Variants in KLF12 observed in about 807,000 individuals in gnomAD.
KLF12 encodes Krueppel-like factor 12.
Under a neutral mutation model 37.8 loss-of-function variants are expected in KLF12, and 9 were observed. That is an observed-to-expected ratio of 0.24 (90% confidence interval 0.14 to 0.42). The LOEUF (loss-of-function observed/expected upper bound fraction) is 0.42, where lower values mean the gene tolerates loss of function less well. Ranked by LOEUF, KLF12 falls within the 10% of genes least tolerant of loss-of-function variation. The pLI is 1.00. For missense variants in KLF12, 411 were observed against 516.0 expected (o/e 0.80, Z 1.97); for synonymous variants, 208 against 202.1 (o/e 1.03, Z -0.25).
chr13:74,063,140 GACTTC>G (rs1401575950), intron 1 of KLF12, among the ~76,000 whole-genome samples: 3 of 152,200 alleles, frequency 2.0e-5, no homozygotes, highest in Admixed American at 2.0e-4. Context: ...CAGGCTTGAT[GACTTC>G]ACTAGTTCTC....
intron 1 of KLF12, among the ~76,000 whole-genome samples, chr13:74,127,188 G>C (rs1877989032): frequency 6.6e-6 from 1 of 152,160 alleles, no homozygotes; most frequent in African/African-American, 2.4e-5. Context: ...GCTTTTAAGA[G>C]AGCCATCAAT....
intron 4 of KLF12, among the ~76,000 whole-genome samples, chr13:73,815,834 T>C (rs1238135187): frequency 6.6e-6 from 1 of 152,232 alleles, no homozygotes; most frequent in East Asian, 1.9e-4. Context: ...ATGAGCAATC[T>C]GGCTCTGAAA....
chr13:74,197,410 A>G, the KLF12 span, among the ~76,000 whole-genome samples: 1 of 152,096 alleles, frequency 6.6e-6, no homozygotes, highest in East Asian at 1.9e-4. Context: ...TTAAAATTTC[A>G]AGAGTGTGTA....
At chr13:74,135,717 C>T (rs1207257834), upstream of KLF12, among the ~76,000 whole-genome samples, 2 of 152,062 alleles carry the variant, frequency 1.3e-5, no homozygotes, top group Non-Finnish European at 2.9e-5. Context: ...CGGCCCGGCC[C>T]GCCCCGCGTG....
chr13:73,883,110 A>T (rs1294970678), intron 3 of KLF12, among the ~76,000 whole-genome samples: 1 of 152,118 alleles, frequency 6.6e-6, no homozygotes, highest in Admixed American at 6.6e-5. Flanking sequence ...AATCAATATT[A>T]TATTGTCCCC....
chr13:74,166,085 A>AG, the KLF12 span, among the ~76,000 whole-genome samples: 1 of 104,702 alleles, frequency 9.6e-6, no homozygotes, highest in South Asian at 3.2e-4. Flanking sequence ...ATGCATAAAC[A>AG]CCTTTTTTTT....
intron 1 of KLF12, among the ~76,000 whole-genome samples, chr13:74,033,683 T>C (rs1020812476): frequency 7.9e-5 from 12 of 152,258 alleles, no homozygotes; most frequent in Non-Finnish European, 1.8e-4. Context: ...TTTATGTAAC[T>C]ATCTCCCTAT....
At chr13:73,988,375 C>T (rs1891881787) in intron 2 of KLF12, among the ~76,000 whole-genome samples, 1 of 152,204 alleles carries the variant, frequency 6.6e-6, no homozygotes, top group Non-Finnish European at 1.5e-5. Context: ...TCACATACAA[C>T]TGTAGAAACT....
intron 4 of KLF12, among the ~76,000 whole-genome samples, chr13:73,835,221 G>A (rs938387042): frequency 1.3e-5 from 2 of 152,032 alleles, no homozygotes; most frequent in East Asian, 3.9e-4. Context: ...CACTAAACTA[G>A]CTGGGAAAAT....
At position 73,919,091 on chromosome 13, in the gene KLF12, G is replaced by GT. The variant is rs528643522; in HGVS notation, c.123+24889dup. 2.7e-3 allele frequency among the ~76,000 whole-genome samples: 405 copies of GT among 152,250 alleles called. 3 individuals are homozygous for GT. The highest frequency in any genetic ancestry group is 9.2e-3 in the African/African-American group (384 of 41,548). ...CTTCTGGGAACAAATGGGAGAACTT[G>GT]TAACTACCCAGGAGCACTGTCCACA... is the stretch of plus-strand genomic sequence containing the variant. On this transcript the variant is annotated intron_variant, in intron 3 of 7. Transcript: ENST00000377669.
intron 5 of KLF12, among the ~76,000 whole-genome samples, chr13:73,779,589 AATGCCTTCCTAAGTT>A (rs2138183619): frequency 6.6e-6 from 1 of 152,332 alleles, no homozygotes; most frequent in Non-Finnish European, 1.5e-5. Context: ...TCATAAGTGA[AATGCCTTCCTAAGTT>A]CTGCAAGGCG....
At chr13:73,926,816 A>C (rs1202603342) in intron 3 of KLF12, among the ~76,000 whole-genome samples, 1 of 152,112 alleles carries the variant, frequency 6.6e-6, no homozygotes, top group Non-Finnish European at 1.5e-5. Flanking sequence ...GGGTACATTC[A>C]GTGCATATCT....
chr13:73,927,682 A>G (rs972517494), intron 3 of KLF12, among the ~76,000 whole-genome samples: 1 of 147,244 alleles, frequency 6.8e-6, no homozygotes, highest in African/African-American at 2.5e-5. Flanking sequence ...AGTTCAAGCA[A>G]TTCTCCTGCC....
intron 5 of KLF12, among the ~76,000 whole-genome samples, chr13:73,774,105 C>G (rs564146192): frequency 1.3e-5 from 2 of 151,738 alleles, no homozygotes; most frequent in Non-Finnish European, 2.9e-5. Context: ...AGTACCAGGC[C>G]GTATGTCCAA....
the KLF12 span, among the ~76,000 whole-genome samples, chr13:74,211,280 G>C: frequency 8.5e-5 from 13 of 152,216 alleles, no homozygotes; most frequent in African/African-American, 3.1e-4. Flanking sequence ...CCAGTCCCAG[G>C]ATTTTCCAGA....
intron 3 of KLF12, among the ~76,000 whole-genome samples, chr13:73,871,853 C>A (rs1376569732): frequency 7.6e-6 from 1 of 131,234 alleles, no homozygotes; most frequent in East Asian, 5.0e-4. Flanking sequence ...TATCTGCCTG[C>A]AGATATCTCT....
At chr13:74,123,024 GAAT>G (rs1040010223) in intron 1 of KLF12, among the ~76,000 whole-genome samples, 6 of 145,450 alleles carry the variant, frequency 4.1e-5, no homozygotes, top group Admixed American at 2.7e-4. Flanking sequence ...ACTTTTATCA[GAAT>G]AATATATTTG....
intron 3 of KLF12, among the ~76,000 whole-genome samples, chr13:73,863,260 T>A (rs1176333933): frequency 6.6e-6 from 1 of 152,180 alleles, no homozygotes; most frequent in East Asian, 1.9e-4. Flanking sequence ...TAAAACTAAA[T>A]TTCATATTTA....
At chr13:74,150,372 A>T in the KLF12 span, among the ~76,000 whole-genome samples, 1 of 152,198 alleles carries the variant, frequency 6.6e-6, no homozygotes, top group Admixed American at 6.5e-5. Context: ...TAAATTGTGG[A>T]CAGTGGCGAA....
Sources: allele counts gnomAD v4.1 joint callset (sites outside exome capture counted in the v4.1 genomes callset), GRCh38; gene constraint gnomAD v4.1.1; transcripts MANE v1.5; gene names NCBI Gene and HGNC (gene_info 2026-07-23, HGNC 2026-07-21).